The following SLC5A3 variants were observed in gnomAD, a reference collection of about 807,000 sequenced individuals.
SLC5A3 encodes sodium/myo-inositol cotransporter.
A neutral mutation model predicts 43.2 loss-of-function variants in SLC5A3; 10 were observed. The observed-to-expected ratio is 0.23, with a 90% CI of 0.14 to 0.39. The LOEUF (loss-of-function observed/expected upper bound fraction) is 0.39. Ranked by LOEUF, SLC5A3 falls within the 10% of genes least tolerant of loss-of-function variation. The pLI, the probability that SLC5A3 is intolerant of heterozygous loss-of-function variation, is 1.00. For synonymous variants in SLC5A3, 349 were observed against 322.0 expected (o/e 1.08, Z -0.90); for missense variants, 608 against 893.4 (o/e 0.68, Z 4.07).
At position 34,097,154 on chromosome 21, in the gene SLC5A3, T is replaced by C. The variant is rs766347111; in HGVS notation, c.1956T>C (p.Gly652=). ...GAAAGAAAGAAACGGATGATGGAGG[T>C]CGGTACTGGAAGTTCATAGACTGGT... ...KERKKETDDG[G]RYWKFIDWFC... Residue 652 remains glycine (G), a synonymous_variant, in exon 2 of 2, where the codon GGT becomes GGC. Transcript: ENST00000381151. The C allele has an allele frequency of 6.2e-6, 10 of 1,613,798 alleles. No individual in the cohort carries two copies. The highest frequency in any genetic ancestry group is 8.5e-6 in the Non-Finnish European group (10 of 1,179,908).
chr21:34,084,391 G>A (rs1989525667), intron 1 of SLC5A3, among the ~76,000 whole-genome samples: 1 of 151,690 alleles, frequency 6.6e-6, no homozygotes, highest in African/African-American at 2.4e-5. Flanking sequence ...AGTAGACTGA[G>A]AACAGAAAAA....
chr21:34,078,626 A>G (rs1989388771), intron 1 of SLC5A3, among the ~76,000 whole-genome samples: 1 of 152,224 alleles, frequency 6.6e-6, no homozygotes, highest in South Asian at 2.1e-4. Context: ...TTAAGAGTTC[A>G]AAAGCAATGA....
rs972768849 is a variant in SLC5A3 at position 34,103,328 on chromosome 21, A to C, written c.*5973A>C. The stretch of plus-strand genomic sequence containing the variant: ...TAGTGAAGGAAGTAAAAAAAAAAAA[A>C]AAACATGCATTACATTGACATACTT... On this transcript the variant is annotated 3_prime_UTR_variant, in exon 2 of 2. Coordinates refer to ENST00000381151, the MANE Select transcript of SLC5A3 (RefSeq NM_006933.7). The C allele has an allele frequency of 1.0e-6, 1 of 998,990 alleles. No homozygotes were observed. Among genetic ancestry groups the C allele is most frequent in the Non-Finnish European group, 1.2e-6 (1 of 829,208 alleles). 61.9% of individuals were successfully genotyped at this position (998,990 alleles called of 1,614,324 possible).
intron 1 of SLC5A3, among the ~76,000 whole-genome samples, chr21:34,074,033 G>A (rs1047401486): frequency 6.8e-6 from 1 of 146,070 alleles, no homozygotes; most frequent in Non-Finnish European, 1.5e-5. Flanking sequence ...CGGACCGAGC[G>A]GGCCCCGACC....
Position 34,105,009 on chromosome 21 carries a change from T to G in SLC5A3, c.*7654T>G. On this transcript the variant is annotated 3_prime_UTR_variant, in exon 2 of 2. Transcript: ENST00000381151. ...AGAGTTTTCTAATTTCACTGTGAGATCTCTAACTTTTGAGTGGCAAACAGA... is the reference window on the plus strand; with the variant it reads ...AGAGTTTTCTAATTTCACTGTGAGAGCTCTAACTTTTGAGTGGCAAACAGA... 1 of 1,000,074 alleles carries G rather than the reference T, an allele frequency of 1.0e-6. No homozygotes were observed. The highest frequency in any genetic ancestry group is 1.2e-6 in the Non-Finnish European group (1 of 829,828). The allele number at this position is 1,000,074 out of a possible 1,614,324, so 62.0% of individuals were successfully genotyped here.
rs889222459 is a variant in SLC5A3 at position 34,086,088 on chromosome 21, A to G, written c.-336-8775A>G. 9.7e-4 allele frequency among the ~76,000 whole-genome samples: 148 copies of G among 152,230 alleles called. 10 individuals are homozygous for G. Among genetic ancestry groups the G allele is most frequent in the Non-Finnish European group, 2.9e-5 (2 of 68,044 alleles). On this transcript the variant is annotated intron_variant, in intron 1 of 1. Coordinates refer to ENST00000381151, the MANE Select transcript of SLC5A3 (RefSeq NM_006933.7). ...GACCTTAAGTCTCTTACTCTGTAATAGCTTCTTACCCCACTCTTTACCTTT... is the reference window on the plus strand; with the variant it reads ...GACCTTAAGTCTCTTACTCTGTAATGGCTTCTTACCCCACTCTTTACCTTT...
intron 1 of SLC5A3, among the ~76,000 whole-genome samples, chr21:34,083,606 T>G (rs1323932042): frequency 1.3e-5 from 2 of 152,248 alleles, no homozygotes; most frequent in African/African-American, 4.8e-5. Context: ...TCTGTTGGTG[T>G]ACTGCTTGCC....
At chr21:34,083,593 T>A (rs1989506141) in intron 1 of SLC5A3, among the ~76,000 whole-genome samples, 1 of 152,214 alleles carries the variant, frequency 6.6e-6, no homozygotes, top group Admixed American at 6.5e-5. Flanking sequence ...TGATTGCCAT[T>A]CTTCTGTTGG....
intron 1 of SLC5A3, among the ~76,000 whole-genome samples, chr21:34,094,385 C>T (rs1166096336): frequency 6.6e-6 from 1 of 152,174 alleles, no homozygotes; most frequent in Non-Finnish European, 1.5e-5. Context: ...ATCTAGTAAA[C>T]ACCACCTGCC....
At position 34,100,614 on chromosome 21, in the gene SLC5A3, A is replaced by G. The variant is rs1979192872; in HGVS notation, c.*3259A>G. 1.0e-6 allele frequency: 1 copy of G among 1,000,134 alleles called. No homozygotes were observed. Among genetic ancestry groups the G allele is most frequent in the African/African-American group, 1.7e-5 (1 of 57,240 alleles). 62.0% of individuals were successfully genotyped at this position (1,000,134 alleles called of 1,614,324 possible). On this transcript the variant is annotated 3_prime_UTR_variant, in exon 2 of 2. Coordinates refer to ENST00000381151, the MANE Select transcript of SLC5A3 (RefSeq NM_006933.7). ...CATAGCTCTTAGGGATGATACCTCA[A>G]GAAATTAGCTGGGACCCATCACTCT...
chr21:34,101,887 T>C lies in SLC5A3; in HGVS notation c.*4532T>C, dbSNP rs1442420474. 3 of 1,000,058 alleles carry C rather than the reference T, an allele frequency of 3.0e-6. No individual in the cohort carries two copies. The highest frequency in any genetic ancestry group is 2.3e-4 in the East Asian group (2 of 8,834). The allele number at this position is 1,000,058 out of a possible 1,614,324, so 61.9% of individuals were successfully genotyped here. A position where few individuals can be genotyped will look rare whatever the true frequency, so the allele number is the denominator to read the frequency against. On this transcript the variant is annotated 3_prime_UTR_variant, in exon 2 of 2. Coordinates refer to ENST00000381151, the MANE Select transcript of SLC5A3 (RefSeq NM_006933.7). ...TTTTCAAAAATTAGGGAGAGAGCAG[T>C]AGTGATCATTTATGTGAGCCCCTTT...
rs1242004021 is a variant in SLC5A3, at chr21:34,073,782, G to C, written c.-337+37G>C. The C allele has an allele frequency of 2.1e-6, 3 of 1,437,462 alleles. No individual in the cohort carries two copies. The African/African-American group carries it at 4.5e-5, about 22-fold the overall frequency. The allele number at this position is 1,437,462 out of a possible 1,614,324, so 89.0% of individuals were successfully genotyped here. On this transcript the variant is annotated intron_variant, in intron 1 of 1. Transcript: ENST00000381151. ...TCCCTCAGAGCCGGTCTTCCCGCGC[G>C]GGCGCCCCCGCTGCCGCTAGGCCGC...
In SLC5A3 at chr21:34,101,604, T is replaced by C; in HGVS notation, c.*4249T>C. On this transcript the variant is annotated 3_prime_UTR_variant, in exon 2 of 2. Transcript: ENST00000381151. ...ATTGCTGTGTCAGTTCTACACCTAGTCTTTTCAGCACTTAGCAAATTCAAA... is the reference window on the plus strand; with the variant it reads ...ATTGCTGTGTCAGTTCTACACCTAGCCTTTTCAGCACTTAGCAAATTCAAA... The C allele has an allele frequency of 1.0e-6, 1 of 1,000,246 alleles. No individual in the cohort carries two copies. The allele number at this position is 1,000,246 out of a possible 1,614,324, so 62.0% of individuals were successfully genotyped here.
Position 34,097,728 on chromosome 21 carries a change from T to C in SLC5A3, c.*373T>C. 4.0e-6 allele frequency: 4 copies of C among 1,007,980 alleles called. No homozygotes were observed. Among genetic ancestry groups the C allele is most frequent in the Non-Finnish European group, 4.8e-6 (4 of 835,442 alleles). 62.4% of individuals were successfully genotyped at this position (1,007,980 alleles called of 1,614,324 possible). On this transcript the variant is annotated 3_prime_UTR_variant, in exon 2 of 2. Coordinates refer to ENST00000381151, the MANE Select transcript of SLC5A3 (RefSeq NM_006933.7). ...CAGACCTTACCCTGAAGTAGAAGAT[T>C]TGCTCATTTCTAAATTTTTTTTTCT... is the stretch of plus-strand genomic sequence containing the variant.
At chr21:34,082,158 A>G (rs1602907329) in intron 1 of SLC5A3, among the ~76,000 whole-genome samples, 2 of 152,148 alleles carry the variant, frequency 1.3e-5, no homozygotes, top group South Asian at 4.2e-4. Context: ...TAATCTAGAT[A>G]TTCAGATAAT....
In SLC5A3 at chr21:34,105,068, T is replaced by G. The variant is rs1478445219; in HGVS notation, c.*7713T>G. 1 of 999,958 alleles carries G rather than the reference T, an allele frequency of 1.0e-6. No individual in the cohort carries two copies. Among genetic ancestry groups the G allele is most frequent in the Admixed American group, 6.2e-5 (1 of 16,254 alleles). 61.9% of individuals were successfully genotyped at this position (999,958 alleles called of 1,614,324 possible). A position where few individuals can be genotyped will look rare whatever the true frequency, so the allele number is the denominator to read the frequency against. ...TTTGCTCATAGACTTTTCTGTGGGG[T>G]TATTAAAATGCAAAAGCTTTATTTT... On this transcript the variant is annotated 3_prime_UTR_variant, in exon 2 of 2. Transcript: ENST00000381151.
rs150052088 is a variant in SLC5A3, at chr21:34,104,912, T to G, written c.*7557T>G. Reference sequence around the variant, plus strand: ...TTCTTTGGCAGAAATGCCTTTCATCTATAATTTCATGGAGAACTGCTTTAA... The same window carrying G: ...TTCTTTGGCAGAAATGCCTTTCATCGATAATTTCATGGAGAACTGCTTTAA... On this transcript the variant is annotated 3_prime_UTR_variant, in exon 2 of 2. Transcript: ENST00000381151. 0.017 allele frequency: 17,013 copies of G among 1,000,128 alleles called. 182 individuals carry two copies. Among genetic ancestry groups the G allele is most frequent in the Non-Finnish European group, 0.019 (15,441 of 829,820 alleles). 62.0% of individuals were successfully genotyped at this position (1,000,128 alleles called of 1,614,324 possible). A position where few individuals can be genotyped will look rare whatever the true frequency, so the allele number is the denominator to read the frequency against.
At position 34,101,216 on chromosome 21, in the gene SLC5A3, G is replaced by A. The variant is rs543794418; in HGVS notation, c.*3861G>A. 1 of 1,000,018 alleles carries A rather than the reference G, an allele frequency of 1.0e-6. No individual in the cohort carries two copies. Among genetic ancestry groups the A allele is most frequent in the South Asian group, 4.7e-5 (1 of 21,282 alleles). 61.9% of individuals were successfully genotyped at this position (1,000,018 alleles called of 1,614,324 possible). ...GACAACAAATATTAGCTTAAAATCTGCATATGTAGAATCATTTTCATTAGA... is the reference window on the plus strand; with the variant it reads ...GACAACAAATATTAGCTTAAAATCTACATATGTAGAATCATTTTCATTAGA... On this transcript the variant is annotated 3_prime_UTR_variant, in exon 2 of 2. Coordinates refer to ENST00000381151, the MANE Select transcript of SLC5A3 (RefSeq NM_006933.7).
rs1198067963 is a variant in SLC5A3, at chr21:34,105,830, G to A, written c.*8475G>A. 1.0e-6 allele frequency: 1 copy of A among 995,512 alleles called. No individual in the cohort carries two copies. The highest frequency in any genetic ancestry group is 1.1e-4 in the East Asian group (1 of 8,802). The allele number at this position is 995,512 out of a possible 1,614,324, so 61.7% of individuals were successfully genotyped here. ...AGCAGAAAGTAGAATTTGGTATAAA[G>A]CAGGTTATTTCTATATTGAAAGGAG... is the stretch of plus-strand genomic sequence containing the variant. On this transcript the variant is annotated 3_prime_UTR_variant, in exon 2 of 2. Coordinates refer to ENST00000381151, the MANE Select transcript of SLC5A3 (RefSeq NM_006933.7).
Sources: gnomAD v4.1 joint callset for allele counts (sites outside exome capture counted in the v4.1 genomes callset) on GRCh38, gnomAD v4.1.1 for gene constraint, MANE v1.5 for transcripts, NCBI Gene and HGNC (gene_info 2026-07-23, HGNC 2026-07-21) for gene names.